Variants in ARHGAP8 observed in about 807,000 individuals in gnomAD.
ARHGAP8 encodes rho GTPase-activating protein 8.
ARHGAP8 carries 62 observed loss-of-function variants against 46.1 expected under a neutral mutation model. The ratio of observed to expected loss-of-function variants is 1.34; its 90% CI spans 1.10 to 1.66. The LOEUF (loss-of-function observed/expected upper bound fraction) is 1.66, where lower values mean the gene tolerates loss of function less well. Among genes scored for constraint, ARHGAP8 ranks in the 40% most tolerant of loss-of-function variants. ARHGAP8 has a pLI of 0.00. For missense variants in ARHGAP8, 923 were observed against 568.4 expected (o/e 1.62, Z -6.34); for synonymous variants, 375 against 243.1 (o/e 1.54, Z -5.05).
intron 2 of ARHGAP8, among the ~76,000 whole-genome samples, chr22:44,799,042 G>A (rs1428952948): frequency 1.3e-5 from 2 of 152,180 alleles, no homozygotes; most frequent in African/African-American, 2.4e-5. Context: ...GCTGCACCCT[G>A]CTCCAGGCTT....
intron 1 of ARHGAP8, among the ~76,000 whole-genome samples, chr22:44,757,069 A>C (rs1602134592): frequency 2.0e-5 from 3 of 151,986 alleles, no homozygotes; most frequent in South Asian, 4.2e-4. Context: ...GGTGCACACC[A>C]CCCTGCCTGG....
intron 1 of ARHGAP8, among the ~76,000 whole-genome samples, chr22:44,785,281 C>A (rs974950269): frequency 1.3e-5 from 2 of 152,130 alleles, no homozygotes; most frequent in African/African-American, 4.8e-5. Context: ...TACCCATCTC[C>A]TCGGGCCGCC....
At chr22:44,861,078 A>C (rs1273982608) in intron 11 of ARHGAP8, among the ~76,000 whole-genome samples, 1 of 152,118 alleles carries the variant, frequency 6.6e-6, no homozygotes, top group East Asian at 1.9e-4. Flanking sequence ...ATCTCAGCTC[A>C]CTGCAACCCC....
At chr22:44,755,757 C>A (rs1296270593) in intron 1 of ARHGAP8, among the ~76,000 whole-genome samples, 3 of 152,104 alleles carry the variant, frequency 2.0e-5, no homozygotes, top group Non-Finnish European at 2.9e-5. Context: ...CATAAACCAT[C>A]GGTTTGTCTT....
intron 1 of ARHGAP8, among the ~76,000 whole-genome samples, chr22:44,776,974 G>T (rs1926473773): frequency 1.3e-5 from 2 of 152,028 alleles, no homozygotes; most frequent in African/African-American, 4.8e-5. Context: ...TGCTCCTCCT[G>T]CAATGCTGTT....
chr22:44,849,000 C>A lies in ARHGAP8; in HGVS notation c.817C>A (p.Arg273=), dbSNP rs549516595. ...TGCCGTGATCCTGAAGACCTTCCTG[C>A]GAGAGCTGCCCCAGCCGCTTCTGAC... The part of the protein sequence containing the change: ...IPAVILKTFL[R]ELPQPLLTFQ... Residue 273 remains arginine (R), a synonymous_variant, in exon 10 of 12, where the codon CGA becomes AGA. Transcript: ENST00000356099. 1 of 1,614,072 alleles carries A rather than the reference C, an allele frequency of 6.2e-7. No homozygotes were observed. Among genetic ancestry groups the A allele is most frequent in the East Asian group, 2.2e-5 (1 of 44,878 alleles).
chr22:44,831,061 C>A (rs1930911990), intron 7 of ARHGAP8, among the ~76,000 whole-genome samples: 1 of 152,188 alleles, frequency 6.6e-6, no homozygotes. Flanking sequence ...ATATGCTAGA[C>A]CCTAGGCCCT....
In ARHGAP8 at chr22:44,754,501, G is replaced by T. The variant is rs760102214; in HGVS notation, c.-72+1874G>T. Among the ~76,000 whole-genome samples the T allele has an allele frequency of 2.6e-5, 4 of 151,874 alleles. No homozygotes were observed. The East Asian group carries it at 7.7e-4, about 29-fold the overall frequency. On this transcript the variant is annotated intron_variant, in intron 1 of 11. Coordinates refer to ENST00000356099, the MANE Select transcript of ARHGAP8 (RefSeq NM_181335.3). ...ATCCAGAGTAGCTAGGATTACAGGC[G>T]CCCACCACCACACCCAGCTAATTTT... is the stretch of plus-strand genomic sequence containing the variant.
At chr22:44,857,597 G>A (rs1286738314) in intron 10 of ARHGAP8, among the ~76,000 whole-genome samples, 2 of 152,188 alleles carry the variant, frequency 1.3e-5, no homozygotes, top group Non-Finnish European at 2.9e-5. Flanking sequence ...GGACAGGGGA[G>A]TGAGCCTGGG....
intron 7 of ARHGAP8, among the ~76,000 whole-genome samples, chr22:44,836,226 C>CT (rs569456225): frequency 2.3e-4 from 34 of 149,822 alleles, no homozygotes; most frequent in East Asian, 9.8e-4. Flanking sequence ...TGATCTGTAC[C>CT]TTTTTTTTTT....
intron 1 of ARHGAP8, among the ~76,000 whole-genome samples, chr22:44,778,693 T>C (rs908953009): frequency 2.0e-5 from 3 of 152,196 alleles, no homozygotes; most frequent in African/African-American, 4.8e-5. Context: ...ATATCTATTA[T>C]TTTATGATTT....
intron 11 of ARHGAP8, among the ~76,000 whole-genome samples, 194 bp from the exon 12 acceptor site, chr22:44,862,081 C>T (rs1054479064): frequency 1.3e-5 from 2 of 152,200 alleles, no homozygotes; most frequent in Non-Finnish European, 2.9e-5. Context: ...GAGGCCAAGC[C>T]TTCCTTTTAG....
At chr22:44,810,104 C>G (rs544583913) in intron 4 of ARHGAP8, among the ~76,000 whole-genome samples, 1 of 152,310 alleles carries the variant, frequency 6.6e-6, no homozygotes, top group East Asian at 1.9e-4. Flanking sequence ...TGCAGCCTCA[C>G]TGTGCCTAAG....
At chr22:44,768,905 G>C (rs1925800777) in intron 1 of ARHGAP8, among the ~76,000 whole-genome samples, 1 of 151,328 alleles carries the variant, frequency 6.6e-6, no homozygotes, top group Non-Finnish European at 1.5e-5. Flanking sequence ...CGCGATCTCG[G>C]CTCACCGCAA....
chr22:44,790,734 T>G (rs13057930), intron 2 of ARHGAP8, among the ~76,000 whole-genome samples: 2 of 87,496 alleles, frequency 2.3e-5, no homozygotes, highest in Non-Finnish European at 2.3e-5. Flanking sequence ...ACCTGGCCGT[T>G]TTTTTTTTTT....
At chr22:44,833,097 T>TTTTCTTTTCTTTTCTTTTC (rs761765911) in intron 7 of ARHGAP8, among the ~76,000 whole-genome samples, 2 of 87,152 alleles carry the variant, frequency 2.3e-5, no homozygotes, top group African/African-American at 7.3e-5. Flanking sequence ...TTTTCTTTTC[T>TTTTCTTTTCTTTTCTTTTC]TTTTTTTTTT....
intron 1 of ARHGAP8, among the ~76,000 whole-genome samples, chr22:44,778,014 A>G (rs1405072713): frequency 1.4e-5 from 2 of 147,274 alleles, no homozygotes; most frequent in Non-Finnish European, 3.0e-5. Context: ...TTATTTATTT[A>G]TTTATTTATT....
At chr22:44,791,980 A>G (rs1927721597) in intron 2 of ARHGAP8, among the ~76,000 whole-genome samples, 2 of 151,694 alleles carry the variant, frequency 1.3e-5, no homozygotes, top group Non-Finnish European at 1.5e-5. Flanking sequence ...AAAACTTCCA[A>G]TTGCCAGCAG....
At chr22:44,779,686 C>T (rs1926699474) in intron 1 of ARHGAP8, among the ~76,000 whole-genome samples, 1 of 150,628 alleles carries the variant, frequency 6.6e-6, no homozygotes, top group Non-Finnish European at 1.5e-5. Context: ...CTCAGTTTCC[C>T]GAGTAGCCGG....
Sources: gnomAD v4.1 joint callset for allele counts (sites outside exome capture counted in the v4.1 genomes callset) on GRCh38, gnomAD v4.1.1 for gene constraint, MANE v1.5 for transcripts, NCBI Gene and HGNC (gene_info 2026-07-23, HGNC 2026-07-21) for gene names.